Variants in STRN observed in about 807,000 individuals in gnomAD.
STRN encodes striatin, also known as protein phosphatase 2 regulatory subunit B'''alpha.
A neutral mutation model predicts 96.3 loss-of-function variants in STRN; 53 were observed. That is an observed-to-expected ratio of 0.55 (90% confidence interval 0.44 to 0.69). The LOEUF is 0.69. Ranked by LOEUF, STRN falls within the 30% of genes least tolerant of loss-of-function variation. The probability of loss-of-function intolerance (pLI) is 0.00; values close to 1 mark genes in which losing one functional copy is unlikely to be tolerated. For synonymous variants in STRN, 428 were observed against 355.9 expected (o/e 1.20, Z -2.28); for missense variants, 987 against 963.9 (o/e 1.02, Z -0.32).
At chr2:36,879,075 T>G (rs2300476) in intron 9 of STRN, among the ~76,000 whole-genome samples, 1 of 150,438 alleles carries the variant, frequency 6.6e-6, no homozygotes, top group African/African-American at 2.4e-5. Context: ...TGTTTATTTG[T>G]TTTTTTTGTT....
At chr2:36,966,126 G>A (rs1455404704) in intron 1 of STRN, 104 bp downstream of exon 1, 1 of 1,301,590 alleles carries the variant, frequency 7.7e-7, no homozygotes, top group Non-Finnish European at 9.9e-7. Context: ...GCAGCAAAGG[G>A]GGAGGGGACG....
At chr2:36,955,289 CT>C (rs1471142735) in intron 1 of STRN, among the ~76,000 whole-genome samples, 1 of 152,106 alleles carries the variant, frequency 6.6e-6, no homozygotes, top group African/African-American at 2.4e-5. Context: ...TTCTCTAGCC[CT>C]AATTGATGAA....
intron 6 of STRN, among the ~76,000 whole-genome samples, chr2:36,898,387 T>C (rs1034267316): frequency 5.3e-5 from 8 of 152,214 alleles, no homozygotes; most frequent in African/African-American, 1.7e-4. Flanking sequence ...AATTGGAAGT[T>C]ACTACTTGAA....
intron 1 of STRN, among the ~76,000 whole-genome samples, chr2:36,951,667 G>A (rs148913171): frequency 1.1e-3 from 169 of 152,250 alleles, no homozygotes; most frequent in African/African-American, 3.8e-3. Flanking sequence ...ATTCATTTAA[G>A]AACCACTTGT....
intron 10 of STRN, among the ~76,000 whole-genome samples, chr2:36,870,624 C>T (rs1053415105): frequency 1.3e-5 from 2 of 152,074 alleles, no homozygotes; most frequent in Non-Finnish European, 1.5e-5. Flanking sequence ...TATAAACAAA[C>T]CTATTTGTGC....
chr2:36,862,126 C>G (rs1668504267), intron 12 of STRN, among the ~76,000 whole-genome samples: 1 of 152,152 alleles, frequency 6.6e-6, no homozygotes, highest in Non-Finnish European at 1.5e-5. Context: ...CATAGTATTC[C>G]ACGGTGTCTA....
intron 1 of STRN, among the ~76,000 whole-genome samples, chr2:36,947,679 T>C (rs559425241): frequency 6.7e-6 from 1 of 150,270 alleles, no homozygotes; most frequent in African/African-American, 2.4e-5. Flanking sequence ...CAAGTGGGAG[T>C]TGGGAAATTC....
intron 9 of STRN, among the ~76,000 whole-genome samples, chr2:36,882,676 G>T (rs1204042408): frequency 6.6e-6 from 1 of 152,110 alleles, no homozygotes; most frequent in Non-Finnish European, 1.5e-5. Flanking sequence ...GGCTGAGGTG[G>T]AAGTATCACC....
At chr2:36,877,551 T>C (rs1251500735) in intron 10 of STRN, among the ~76,000 whole-genome samples, 1 of 152,260 alleles carries the variant, frequency 6.6e-6, no homozygotes, top group East Asian at 1.9e-4. Context: ...ATTTTACTTT[T>C]TTGAGACGGA....
intron 1 of STRN, among the ~76,000 whole-genome samples, chr2:36,964,002 A>G (rs1336721998): frequency 6.6e-6 from 1 of 152,122 alleles, no homozygotes; most frequent in Non-Finnish European, 1.5e-5. Flanking sequence ...TAAAAGGAAA[A>G]AAAAAAAGGA....
chr2:36,881,607 G>T (rs931075486), intron 9 of STRN, among the ~76,000 whole-genome samples: 1 of 152,134 alleles, frequency 6.6e-6, no homozygotes, highest in African/African-American at 2.4e-5. Flanking sequence ...TGCACTGAGG[G>T]GGAAGGCTTA....
Position 36,857,659 on chromosome 2 carries a change from C to CA in STRN, c.1837+196dup, listed in dbSNP as rs879379109. Among the ~76,000 whole-genome samples, 189 of 150,912 alleles carry CA rather than the reference C, an allele frequency of 1.3e-3. 1 individual carries two copies. Among genetic ancestry groups the CA allele is most frequent in the South Asian group, 6.5e-3 (31 of 4,738 alleles). On this transcript the variant is annotated intron_variant, in intron 14 of 17. Transcript: ENST00000263918. ...TGGGCAACAGAGTGATACTCCGTCT[C>CA]AAAAAAAACAAAACAAAACAAAACA...
chr2:36,930,364 G>A (rs1453199581), intron 1 of STRN, among the ~76,000 whole-genome samples: 4 of 151,934 alleles, frequency 2.6e-5, no homozygotes, highest in Admixed American at 6.6e-5. Context: ...CCTGGGAGGT[G>A]GAAGTTGCAG....
chr2:36,887,961 AGG>A (rs1669283827), intron 7 of STRN, among the ~76,000 whole-genome samples: 1 of 152,198 alleles, frequency 6.6e-6, no homozygotes, highest in East Asian at 1.9e-4. Context: ...CATTTCCATT[AGG>A]AAGTCTAACA....
At chr2:36,901,242 T>A (rs1669674047) in intron 5 of STRN, among the ~76,000 whole-genome samples, 1 of 152,116 alleles carries the variant, frequency 6.6e-6, no homozygotes, top group Non-Finnish European at 1.5e-5. Flanking sequence ...AAAGTATGCA[T>A]TATAGTTCTT....
intron 10 of STRN, among the ~76,000 whole-genome samples, chr2:36,873,325 G>C (rs889435834): frequency 6.6e-6 from 1 of 152,332 alleles, no homozygotes; most frequent in Non-Finnish European, 1.5e-5. Context: ...AAGGATGTAA[G>C]ACAATATAAC....
At chr2:36,928,178 A>G (rs1430622254) in intron 1 of STRN, among the ~76,000 whole-genome samples, 2 of 152,224 alleles carry the variant, frequency 1.3e-5, no homozygotes, top group African/African-American at 4.8e-5. Context: ...AGTCGAAAGC[A>G]TAATAATTGG....
chr2:36,879,320 T>C (rs1029322415), intron 9 of STRN, among the ~76,000 whole-genome samples: 2 of 152,220 alleles, frequency 1.3e-5, no homozygotes, highest in African/African-American at 2.4e-5. Context: ...TCCACCGACC[T>C]TGGCCTCCCA....
chr2:36,885,873 A>G (rs1423508028), intron 8 of STRN, among the ~76,000 whole-genome samples: 1 of 152,132 alleles, frequency 6.6e-6, no homozygotes, highest in Non-Finnish European at 1.5e-5. Flanking sequence ...AATTCCTATT[A>G]CCATAAAAGG....
Sources: gnomAD v4.1 joint callset for allele counts (sites outside exome capture counted in the v4.1 genomes callset) on GRCh38, gnomAD v4.1.1 for gene constraint, MANE v1.5 for transcripts, NCBI Gene and HGNC (gene_info 2026-07-23, HGNC 2026-07-21) for gene names.